Variants in CEP131 observed in about 807,000 individuals in gnomAD.
The protein encoded by CEP131 is centrosomal protein 131.
Under a neutral mutation model 136.8 loss-of-function variants are expected in CEP131, and 99 were observed. That is an observed-to-expected ratio of 0.72 (90% CI 0.62 to 0.86). The LOEUF (loss-of-function observed/expected upper bound fraction) is 0.86, where lower values mean the gene tolerates loss of function less well. Ranked by LOEUF, CEP131 falls within the 40% of genes least tolerant of loss-of-function variation. The pLI is 0.00. For missense variants in CEP131, 1,459 were observed against 1,463.0 expected (o/e 1.00, Z 0.04); for synonymous variants, 646 against 612.7 (o/e 1.05, Z -0.80).
intron 2 of CEP131, among the ~76,000 whole-genome samples, chr17:81,217,371 A>G (rs74659092): frequency 0.074 from 11,295 of 152,096 alleles, 481 homozygotes; most frequent in Middle Eastern, 0.15. Flanking sequence ...GGCCACCGAG[A>G]AGGTCTCCGA....
chr17:81,192,378 G>A lies in CEP131; in HGVS notation c.2562C>T (p.Thr854=). ...QERRHQMELN[T]LKQQLELERQ... Reference sequence around the variant, plus strand: ...TCTCCAGCTCCAGCTGCTGCTTCAGGGTATTCAGCTCCATCTGGGGGGCGG... The same window carrying A: ...TCTCCAGCTCCAGCTGCTGCTTCAGAGTATTCAGCTCCATCTGGGGGGCGG... Residue 854 remains threonine (T), a synonymous_variant, in exon 21 of 26, where the codon ACC becomes ACT. Transcript: ENST00000450824. 6.2e-7 allele frequency: 1 copy of A among 1,603,426 alleles called. No homozygotes were observed. The highest frequency in any genetic ancestry group is 8.5e-7 in the Non-Finnish European group (1 of 1,176,304).
intron 2 of CEP131, among the ~76,000 whole-genome samples, chr17:81,211,957 T>C (rs1385845603): frequency 8.5e-6 from 1 of 117,262 alleles, no homozygotes; most frequent in Non-Finnish European, 1.8e-5. Context: ...AAAGAAAAAA[T>C]AGAAAAATCA....
intron 20 of CEP131, 32 bp downstream of exon 20, chr17:81,192,444 G>A (rs751295698): frequency 6.2e-7 from 1 of 1,611,776 alleles, no homozygotes; most frequent in Middle Eastern, 1.8e-4. Context: ...CAGCCCCCTG[G>A]CCAGGCCCAG....
chr17:81,189,883 G>A (rs2061600161), intron 25 of CEP131, 32 bp downstream of exon 25: 13 of 1,612,456 alleles, frequency 8.1e-6, no homozygotes, highest in South Asian at 7.7e-5. Flanking sequence ...TCCCAGCCCC[G>A]AGGTCCAGCA....
intron 5 of CEP131, 105 bp downstream of exon 5, chr17:81,206,639 T>C (rs934670961): frequency 2.8e-5 from 40 of 1,440,816 alleles, no homozygotes; most frequent in South Asian, 1.9e-4. Flanking sequence ...CATTCATTCA[T>C]TCCAAAGCAC....
At chr17:81,205,375 G>A in intron 5 of CEP131, among the ~76,000 whole-genome samples, 1 of 140,118 alleles carries the variant, frequency 7.1e-6, no homozygotes, top group Non-Finnish European at 1.6e-5. Context: ...AGGAGGGGCA[G>A]CAGTGGGGTA....
Position 81,203,635 on chromosome 17 carries a change from G to T in CEP131, c.516-28C>A. 6.5e-7 allele frequency: 1 copy of T among 1,545,560 alleles called. No individual in the cohort carries two copies. Among genetic ancestry groups the T allele is most frequent in the Non-Finnish European group, 8.8e-7 (1 of 1,139,134 alleles). On this transcript the variant is annotated intron_variant, in intron 5 of 25. Transcript: ENST00000450824. The surrounding 1 kb of genome is among the most constrained non-coding windows in gnomAD (Gnocchi z 4.6). ...GCCAGGCCGGAAGAGAGACAGGAAT[G>T]GTCAGGCCTCTGGAGGGGACGCCTG...
At chr17:81,202,934 A>AAT (rs2061925832) in intron 6 of CEP131, among the ~76,000 whole-genome samples, 1 of 151,600 alleles carries the variant, frequency 6.6e-6, no homozygotes, top group African/African-American at 2.4e-5. Flanking sequence ...ACTGCACTCC[A>AAT]GCCTGGGCAA....
rs752811279 is a variant in CEP131 at position 81,199,448 on chromosome 17, C to T, written c.1125G>A (p.Gln375=). ...GTGTGGGGGACAGCTCCTGAGCAGG[C>T]TGCCGCATTCCTGGCACTCTGGTCT... is the stretch of plus-strand genomic sequence containing the variant. ...PRETRVPGMR[Q]PAQELSPTPG... is the part of the protein sequence containing the mutation. The change falls in exon 10 of 26, where the codon CAG becomes CAA. Residue 375 remains glutamine (Q), a synonymous_variant. Coordinates refer to ENST00000450824, the MANE Select transcript of CEP131 (RefSeq NM_014984.4). 1.2e-6 allele frequency: 2 copies of T among 1,607,872 alleles called. No individual in the cohort carries two copies. Among genetic ancestry groups the T allele is most frequent in the African/African-American group, 1.3e-5 (1 of 74,900 alleles).
chr17:81,190,871 G>T (rs1241514121), intron 23 of CEP131, 36 bp downstream of exon 23: 1 of 1,594,062 alleles, frequency 6.3e-7, no homozygotes, highest in Admixed American at 1.7e-5. Flanking sequence ...AGGGGCCTGT[G>T]GGTGCCCACT....
chr17:81,217,388 G>A (rs1198080131), intron 2 of CEP131, among the ~76,000 whole-genome samples: 4 of 151,856 alleles, frequency 2.6e-5, no homozygotes, highest in African/African-American at 9.7e-5. Flanking sequence ...CCGAGCCAGG[G>A]GACAGCACCC....
At position 81,219,977 on chromosome 17, in the gene CEP131, G is replaced by C. The variant is rs148251067; in HGVS notation, c.80C>G (p.Pro27Arg). The C allele has an allele frequency of 4.3e-6, 7 of 1,611,898 alleles. No individual in the cohort carries two copies. The African/African-American group carries it at 8.0e-5, about 18-fold the overall frequency. The stretch of plus-strand genomic sequence containing the variant: ...ACTGCCAGGACGCCGGGACACAGGC[G>C]GAGGGAGACCTGTCAGACTCAGGTC... Reference protein sequence around the residue: ...GVDLSLTGLPPPVSRRPGSAA... With the variant: ...GVDLSLTGLPRPVSRRPGSAA... The change falls in exon 2 of 26, where the codon CCG (proline) becomes CGG (arginine). Residue 27 changes from proline (P) to arginine (R), a missense_variant. Pro to Arg is a moderately radical substitution (Grantham distance 103). This residue lies in a region of CEP131 where 187 missense variants were observed against 179.9 expected (regional missense o/e 1.04). Coordinates refer to ENST00000450824, the MANE Select transcript of CEP131 (RefSeq NM_014984.4). The surrounding 1 kb of genome is among the most constrained non-coding windows in gnomAD (Gnocchi z 4.0).
In CEP131 at chr17:81,191,954, G is replaced by T. The variant is rs553461443; in HGVS notation, c.2622+364C>A. Reference sequence around the variant, plus strand: ...TGGCAGAGTCCACCCCCCACAGAAGGCCCCAGAGGCTAAGGGGGGAGCCCC... The same window carrying T: ...TGGCAGAGTCCACCCCCCACAGAAGTCCCCAGAGGCTAAGGGGGGAGCCCC... On this transcript the variant is annotated intron_variant, in intron 21 of 25. Coordinates refer to ENST00000450824, the MANE Select transcript of CEP131 (RefSeq NM_014984.4). Among the ~76,000 whole-genome samples the T allele has an allele frequency of 1.5e-3, 227 of 152,194 alleles. 2 individuals carry two copies. The highest frequency in any genetic ancestry group is 5.9e-4 in the Non-Finnish European group (40 of 67,992).
At chr17:81,214,557 A>G (rs2062203512) in intron 2 of CEP131, among the ~76,000 whole-genome samples, 1 of 48,360 alleles carries the variant, frequency 2.1e-5, no homozygotes. Flanking sequence ...ACTTCATCTC[A>G]AAAAAGAAAA....
intron 13 of CEP131, chr17:81,197,290 CTA>C (rs2061781319): frequency 3.3e-6 from 2 of 597,444 alleles, no homozygotes; most frequent in Non-Finnish European, 5.8e-6. Flanking sequence ...TTAAAAAGTT[CTA>C]TGCTGCCCAG....
intron 5 of CEP131, among the ~76,000 whole-genome samples, chr17:81,206,262 A>G (rs912783538): frequency 2.0e-4 from 30 of 151,982 alleles, no homozygotes; most frequent in Middle Eastern, 3.4e-3. Flanking sequence ...GAGAATAACC[A>G]CACGGTCTCT....
At chr17:81,211,182 C>T (rs1251512102) in intron 2 of CEP131, among the ~76,000 whole-genome samples, 2 of 152,244 alleles carry the variant, frequency 1.3e-5, no homozygotes, top group Admixed American at 6.5e-5. Flanking sequence ...CCGTTCTCCA[C>T]GCTGGGGCCA....
chr17:81,191,946 C>A lies in CEP131; in HGVS notation c.2622+372G>T, dbSNP rs183912300. Among the ~76,000 whole-genome samples, 62 of 152,228 alleles carry A rather than the reference C, an allele frequency of 4.1e-4. 1 individual carries two copies. Among genetic ancestry groups the A allele is most frequent in the African/African-American group, 4.6e-4 (19 of 41,530 alleles). On this transcript the variant is annotated intron_variant, in intron 21 of 25. Transcript: ENST00000450824. ...TGTCACCGTGGCAGAGTCCACCCCCCACAGAAGGCCCCAGAGGCTAAGGGG... is the reference window on the plus strand; with the variant it reads ...TGTCACCGTGGCAGAGTCCACCCCCAACAGAAGGCCCCAGAGGCTAAGGGG...
chr17:81,190,494 C>A, intron 24 of CEP131, 145 bp downstream of exon 24: 2 of 1,104,394 alleles, frequency 1.8e-6, no homozygotes, highest in South Asian at 1.7e-5. Flanking sequence ...AAACATGGAA[C>A]CCACACCAGC....
Sources: gnomAD v4.1 joint callset for allele counts (sites outside exome capture counted in the v4.1 genomes callset) on GRCh38, gnomAD v4.1.1 for gene constraint, gnomAD v4.1.1 regional missense constraint, Gnocchi (gnomAD v3.1) non-coding constraint, MANE v1.5 for transcripts, NCBI Gene and HGNC (gene_info 2026-07-23, HGNC 2026-07-21) for gene names.